The following SDAD1 variants were observed in gnomAD, a reference collection of about 807,000 sequenced individuals.
SDAD1 encodes the protein SDA1 domain containing 1, also known as protein SDA1 homolog.
A neutral mutation model predicts 100.3 loss-of-function variants in SDAD1; 79 were observed. That is an observed-to-expected ratio of 0.79 (90% CI 0.66 to 0.95). The LOEUF (loss-of-function observed/expected upper bound fraction) is 0.95. Ranked by LOEUF, SDAD1 falls within the 40% of genes least tolerant of loss-of-function variation. The pLI, the probability that SDAD1 is intolerant of heterozygous loss-of-function variation, is 0.00. For synonymous variants in SDAD1, 267 were observed against 271.4 expected (o/e 0.98, Z 0.16); for missense variants, 790 against 810.9 (o/e 0.97, Z 0.31).
At chr4:75,982,073 A>G in intron 1 of SDAD1, 36 bp from the exon 2 acceptor site, 1 of 1,300,550 alleles carries the variant, frequency 7.7e-7, no homozygotes. Flanking sequence ...GTCACATTGT[A>G]TTACATGACT....
intron 12 of SDAD1, among the ~76,000 whole-genome samples, chr4:75,966,782 C>G (rs1466476516): frequency 6.6e-6 from 1 of 152,048 alleles, no homozygotes; most frequent in African/African-American, 2.4e-5. Context: ...CTTTTCTTTT[C>G]TTTTTGAGAC....
At chr4:75,958,229 C>A (rs1332485702) in intron 17 of SDAD1, among the ~76,000 whole-genome samples, 1 of 152,146 alleles carries the variant, frequency 6.6e-6, no homozygotes, top group Non-Finnish European at 1.5e-5. Context: ...TAATGTGCCC[C>A]AAGCCACACC....
At chr4:75,985,195 C>T (rs562108060) in intron 1 of SDAD1, among the ~76,000 whole-genome samples, 3 of 152,110 alleles carry the variant, frequency 2.0e-5, no homozygotes, top group Admixed American at 1.3e-4. Flanking sequence ...GCATCAGTCA[C>T]CACAAGAGCC....
chr4:75,956,535 A>G (rs1728908189), intron 20 of SDAD1, among the ~76,000 whole-genome samples: 1 of 151,942 alleles, frequency 6.6e-6, no homozygotes, highest in Non-Finnish European at 1.5e-5. Context: ...AAGACAGAGG[A>G]TGAGGTGGAA....
At chr4:75,958,790 A>C (rs1157146690) in intron 17 of SDAD1, among the ~76,000 whole-genome samples, 3 of 150,860 alleles carry the variant, frequency 2.0e-5, no homozygotes, top group African/African-American at 7.3e-5. Flanking sequence ...CATCTCTCCA[A>C]AGCCCTTTAA....
At position 75,977,718 on chromosome 4, in the gene SDAD1, ATTC is replaced by A. The variant is rs1208298479; in HGVS notation, c.330_332del (p.Lys110del). 1.2e-6 allele frequency: 2 copies of A among 1,613,152 alleles called. No homozygotes were observed. Among genetic ancestry groups the A allele is most frequent in the Admixed American group, 3.3e-5 (2 of 59,890 alleles). On this transcript the variant is annotated inframe_deletion, in exon 4 of 22. Transcript: ENST00000356260. ...CTAGCAGGCTTGATGGATTGATGAG[ATTC>A]TTATTTCTCAGCAAGATCAAAGCTT...
chr4:75,987,526 G>C (rs1730974385), intron 1 of SDAD1, among the ~76,000 whole-genome samples: 1 of 152,010 alleles, frequency 6.6e-6, no homozygotes, highest in African/African-American at 2.4e-5. Context: ...TTCTGAGATG[G>C]AGTTTCATCT....
At chr4:75,978,750 A>G (rs1392284335) in intron 3 of SDAD1, among the ~76,000 whole-genome samples, 2 of 151,686 alleles carry the variant, frequency 1.3e-5, no homozygotes, top group African/African-American at 4.8e-5. Context: ...CTGAGGTGGG[A>G]GAATCACTTG....
chr4:75,979,013 T>G (rs1010070562), intron 3 of SDAD1, among the ~76,000 whole-genome samples: 4 of 75,430 alleles, frequency 5.3e-5, no homozygotes, highest in Non-Finnish European at 1.2e-4. Context: ...AAAAAAAAAT[T>G]CAGGGAAATT....
intron 1 of SDAD1, among the ~76,000 whole-genome samples, chr4:75,990,444 C>T (rs1731185589): frequency 1.3e-5 from 2 of 152,092 alleles, no homozygotes; most frequent in African/African-American, 4.8e-5. Flanking sequence ...TGGTTGGGTG[C>T]GGCCCATTTC....
At chr4:75,965,846 G>A (rs988481216) in intron 12 of SDAD1, 24 bp from the exon 13 acceptor site, 1 of 1,607,764 alleles carries the variant, frequency 6.2e-7, no homozygotes, top group Non-Finnish European at 8.5e-7. Context: ...AGAACAGAAA[G>A]GTCATGGTCA....
chr4:75,962,419 T>C (rs1361409564), intron 14 of SDAD1, among the ~76,000 whole-genome samples: 2 of 152,242 alleles, frequency 1.3e-5, no homozygotes, highest in Non-Finnish European at 2.9e-5. Context: ...TACCCAGTTA[T>C]GGGATGGCTG....
intron 3 of SDAD1, among the ~76,000 whole-genome samples, chr4:75,978,891 A>G (rs1317634564): frequency 6.8e-6 from 1 of 146,972 alleles, no homozygotes; most frequent in Non-Finnish European, 1.5e-5. Flanking sequence ...AGGTGGGAGG[A>G]CTGCTTGAGC....
At chr4:75,972,076 T>C (rs930651884) in intron 8 of SDAD1, among the ~76,000 whole-genome samples, 10 of 151,738 alleles carry the variant, frequency 6.6e-5, no homozygotes, top group Non-Finnish European at 1.0e-4. Flanking sequence ...GTAGCTGGGA[T>C]TACAGGCACA....
intron 4 of SDAD1, among the ~76,000 whole-genome samples, chr4:75,976,360 C>T (rs571479342): frequency 7.2e-5 from 11 of 152,030 alleles, no homozygotes; most frequent in South Asian, 4.1e-4. Context: ...TGTGGTATAT[C>T]CATACAATGG....
intron 10 of SDAD1, among the ~76,000 whole-genome samples, 182 bp downstream of exon 10, chr4:75,970,127 T>C (rs1001983944): frequency 1.3e-5 from 2 of 152,184 alleles, no homozygotes; most frequent in East Asian, 1.9e-4. Context: ...TGTTCTGCGA[T>C]AGACTGGGAA....
intron 14 of SDAD1, among the ~76,000 whole-genome samples, chr4:75,963,027 C>T (rs1463284793): frequency 6.6e-6 from 1 of 151,972 alleles, no homozygotes; most frequent in Admixed American, 6.6e-5. Context: ...TGGTTTTAGG[C>T]CTAACATTTA....
chr4:75,962,082 T>A (rs1050357779), intron 14 of SDAD1, among the ~76,000 whole-genome samples: 1 of 152,186 alleles, frequency 6.6e-6, no homozygotes, highest in South Asian at 2.1e-4. Flanking sequence ...CGGTGTGTGA[T>A]GTTCCCCATC....
Position 75,950,558 on chromosome 4 carries a change from C to G in SDAD1, c.*192G>C, listed in dbSNP as rs1728575667. Reference sequence around the variant, plus strand: ...ATGAAATGATTTTACATTACCACCACTATTTACATTAACATTCCTACCATT... The same window carrying G: ...ATGAAATGATTTTACATTACCACCAGTATTTACATTAACATTCCTACCATT... On this transcript the variant is annotated 3_prime_UTR_variant, in exon 22 of 22. Transcript: ENST00000356260. 1 of 476,268 alleles carries G rather than the reference C, an allele frequency of 2.1e-6. No individual in the cohort carries two copies. The highest frequency in any genetic ancestry group is 3.9e-6 in the Non-Finnish European group (1 of 256,460). The allele number at this position is 476,268 out of a possible 1,614,324, so 29.5% of individuals were successfully genotyped here.
Sources: allele counts gnomAD v4.1 joint callset (sites outside exome capture counted in the v4.1 genomes callset), GRCh38; gene constraint gnomAD v4.1.1; transcripts MANE v1.5; gene names NCBI Gene and HGNC (gene_info 2026-07-23, HGNC 2026-07-21).